AGBL1: variants seen among roughly 807,000 people sequenced by gnomAD.
The protein encoded by AGBL1 is AGBL carboxypeptidase 1, also known as cytosolic carboxypeptidase 4.
AGBL1 carries 130 observed loss-of-function variants against 118.9 expected under a neutral mutation model. That is an observed-to-expected ratio of 1.09 (90% CI 0.95 to 1.26). The LOEUF is 1.26. Among genes scored for constraint, AGBL1 ranks in the 50% most tolerant of loss-of-function variants. The pLI, the probability that AGBL1 is intolerant of heterozygous loss-of-function variation, is 0.00. For synonymous variants in AGBL1, 555 were observed against 478.9 expected, an observed-to-expected ratio of 1.16 and a Z score of -2.08; for missense variants, 1,584 against 1,298.1, an observed-to-expected ratio of 1.22 and a Z score of -3.38.
chr15:86,834,453 G>A (rs1437765595), intron 22 of AGBL1, among the ~76,000 whole-genome samples: 2 of 152,160 alleles, frequency 1.3e-5, no homozygotes, highest in Non-Finnish European at 2.9e-5. Flanking sequence ...AATCATAGCT[G>A]CCACCAGCTA....
intron 6 of AGBL1, among the ~76,000 whole-genome samples, chr15:86,227,619 G>C (rs1448758150): frequency 3.3e-5 from 5 of 152,226 alleles, no homozygotes; most frequent in African/African-American, 1.2e-4. Context: ...GAGAATCACT[G>C]ATGTGTATGT....
intron 22 of AGBL1, among the ~76,000 whole-genome samples, chr15:86,731,297 G>A (rs1487384954): frequency 6.6e-6 from 1 of 152,126 alleles, no homozygotes; most frequent in Non-Finnish European, 1.5e-5. Flanking sequence ...AGTCTCTCGA[G>A]ACTAACTTCA....
chr15:86,669,197 T>C (rs1001664932), intron 21 of AGBL1, among the ~76,000 whole-genome samples: 2 of 152,142 alleles, frequency 1.3e-5, no homozygotes, highest in Non-Finnish European at 1.5e-5. Flanking sequence ...TACTGTACGA[T>C]GCCCAGAAAC....
At chr15:86,292,637 AC>A (rs1390519268) in intron 16 of AGBL1, among the ~76,000 whole-genome samples, 1 of 152,066 alleles carries the variant, frequency 6.6e-6, no homozygotes, top group African/African-American at 2.4e-5. Context: ...ATTTATTGAG[AC>A]CTTAAAGCCT....
chr15:86,918,086 A>G (rs1287501499), downstream of AGBL1, among the ~76,000 whole-genome samples: 1 of 152,228 alleles, frequency 6.6e-6, no homozygotes, highest in Non-Finnish European at 1.5e-5. Flanking sequence ...AGAAATTTGC[A>G]AAGTTCATTT....
At chr15:86,733,077 A>G (rs528317863) in intron 22 of AGBL1, among the ~76,000 whole-genome samples, 6 of 148,904 alleles carry the variant, frequency 4.0e-5, no homozygotes, top group Non-Finnish European at 8.9e-5. Context: ...TATTATATAT[A>G]AATATATATA....
chr15:86,476,883 C>T (rs1306607570), intron 18 of AGBL1, among the ~76,000 whole-genome samples: 2 of 152,224 alleles, frequency 1.3e-5, no homozygotes, highest in African/African-American at 4.8e-5. Flanking sequence ...CAAAGTGTCT[C>T]TCAGACCACA....
At chr15:87,027,067 C>G (rs561439154) in intron 24 of AGBL1, among the ~76,000 whole-genome samples, 1 of 152,052 alleles carries the variant, frequency 6.6e-6, no homozygotes, top group East Asian at 1.9e-4. Context: ...GCACCAAAAT[C>G]TCACAAATCA....
intron 22 of AGBL1, among the ~76,000 whole-genome samples, chr15:86,739,491 C>A (rs1596429962): frequency 1.5e-5 from 2 of 134,698 alleles, no homozygotes; most frequent in East Asian, 2.1e-4. Flanking sequence ...AAATTTTTCA[C>A]AGGATCCATC....
At chr15:86,764,558 A>G (rs1446458411) in intron 22 of AGBL1, among the ~76,000 whole-genome samples, 4 of 152,082 alleles carry the variant, frequency 2.6e-5, no homozygotes, top group Non-Finnish European at 5.9e-5. Flanking sequence ...CCTATTATAA[A>G]TCCTGTATAC....
At chr15:86,625,173 C>T (rs2084864477) in intron 21 of AGBL1, among the ~76,000 whole-genome samples, 1 of 152,072 alleles carries the variant, frequency 6.6e-6, no homozygotes, top group Admixed American at 6.6e-5. Flanking sequence ...TCGGCTCTGC[C>T]TCCTTCAAGT....
intron 24 of AGBL1, among the ~76,000 whole-genome samples, chr15:87,021,102 C>T (rs933425144): frequency 6.6e-6 from 1 of 152,048 alleles, no homozygotes; most frequent in African/African-American, 2.4e-5. Context: ...TCAAACTATG[C>T]TACAAACCAA....
In AGBL1 at chr15:86,267,529, C is replaced by T. The variant is rs142967643; in HGVS notation, c.1838+453C>T. Reference sequence around the variant, plus strand: ...CTCTCATTCCTGTGTACTTAGGTGGCAAAAATCATGAGCTTCCCAGAGAAA... The same window carrying T: ...CTCTCATTCCTGTGTACTTAGGTGGTAAAAATCATGAGCTTCCCAGAGAAA... On this transcript the variant is annotated intron_variant, in intron 13 of 22. Coordinates refer to ENST00000614907, the MANE Select transcript of AGBL1 (RefSeq NM_001386094.1). 7.5e-4 allele frequency among the ~76,000 whole-genome samples: 114 copies of T among 152,182 alleles called. 1 individual carries two copies. Among genetic ancestry groups the T allele is most frequent in the African/African-American group, 2.6e-3 (107 of 41,526 alleles).
At chr15:86,186,118 A>G (rs1024715294) in intron 5 of AGBL1, among the ~76,000 whole-genome samples, 1 of 151,656 alleles carries the variant, frequency 6.6e-6, no homozygotes, top group African/African-American at 2.4e-5. Context: ...GTCCCCCAAA[A>G]TGGGTTTGAA....
intron 18 of AGBL1, among the ~76,000 whole-genome samples, chr15:86,411,792 A>C (rs983371553): frequency 6.6e-6 from 1 of 152,192 alleles, no homozygotes; most frequent in Non-Finnish European, 1.5e-5. Context: ...TCTTATTACT[A>C]AAGTAATTAC....
rs2080325584 is a variant in AGBL1 at position 86,909,795 on chromosome 15, T to G, written c.*2501T>G. 1 of 152,216 alleles carries G rather than the reference T, an allele frequency of 6.6e-6. No individual in the cohort carries two copies. The highest frequency in any genetic ancestry group is 1.5e-5 in the Non-Finnish European group (1 of 68,036). 9.4% of individuals were successfully genotyped at this position (152,216 alleles called of 1,614,324 possible). ...GGTGGGAATGATGCTAGCTTATCAT[T>G]AATTATTATTTCAGCCCAAATTAGT... On this transcript the variant is annotated 3_prime_UTR_variant, in exon 23 of 23. Transcript: ENST00000614907.
chr15:86,828,723 A>T (rs962372304), intron 22 of AGBL1, among the ~76,000 whole-genome samples: 3 of 152,102 alleles, frequency 2.0e-5, no homozygotes, highest in Non-Finnish European at 4.4e-5. Flanking sequence ...ATAACAGAAT[A>T]CATTTGTATT....
intron 17 of AGBL1, among the ~76,000 whole-genome samples, chr15:86,326,205 C>T (rs1282482396): frequency 6.6e-6 from 1 of 151,824 alleles, no homozygotes; most frequent in Non-Finnish European, 1.5e-5. Flanking sequence ...TTGTTCAGGA[C>T]AGCACAGTTC....
At chr15:86,392,303 A>G (rs1385900036) in intron 17 of AGBL1, among the ~76,000 whole-genome samples, 2 of 152,108 alleles carry the variant, frequency 1.3e-5, no homozygotes, top group Non-Finnish European at 1.5e-5. Flanking sequence ...TCTGTTTTGC[A>G]TATTATTTCC....
Sources: gnomAD v4.1 joint callset for allele counts (sites outside exome capture counted in the v4.1 genomes callset) on GRCh38, gnomAD v4.1.1 for gene constraint, MANE v1.5 for transcripts, NCBI Gene and HGNC (gene_info 2026-07-23, HGNC 2026-07-21) for gene names.